Variants in AKIRIN1 observed in about 807,000 individuals in gnomAD.
AKIRIN1 encodes the protein akirin 1, also known as akirin-1.
In AKIRIN1, 4 loss-of-function variants were observed where a neutral mutation model predicts 25.9. The ratio of observed to expected loss-of-function variants is 0.15; its 90% CI spans 0.08 to 0.35. The LOEUF is 0.35. AKIRIN1 is among the 10% of genes least tolerant of loss of function. AKIRIN1 has a pLI of 1.00. For missense variants in AKIRIN1, 243 were observed against 266.1 expected (o/e 0.91, Z 0.61); for synonymous variants, 125 against 105.1 (o/e 1.19, Z -1.16).
Position 39,003,430 on chromosome 1 carries a change from C to T in AKIRIN1, c.568+12C>T. On this transcript the variant is annotated intron_variant, in intron 4 of 4. Coordinates refer to ENST00000432648, the MANE Select transcript of AKIRIN1 (RefSeq NM_024595.3). ...AAGGCCAACAAGCTGTAAGTATTGC[C>T]ACATTTTCTTTGAATTTTCTAAGTT... 6 of 1,609,488 alleles carry T rather than the reference C, an allele frequency of 3.7e-6. No homozygotes were observed. Among genetic ancestry groups the T allele is most frequent in the Non-Finnish European group, 5.1e-6 (6 of 1,178,762 alleles).
chr1:38,991,505 A>G lies in AKIRIN1; in HGVS notation c.125A>G (p.Asp42Gly). The change falls in exon 1 of 5, where the codon GAC (aspartate) becomes GGC (glycine). Residue 42 changes from aspartate (D) to glycine (G), a missense_variant. This residue lies in a region of AKIRIN1 where 190 missense variants were observed against 174.4 expected (regional missense o/e 1.09). Coordinates refer to ENST00000432648, the MANE Select transcript of AKIRIN1 (RefSeq NM_024595.3). Reference protein sequence around the residue: ...PGPTPGLRPPDAEPPPPFQTQ... With the variant: ...PGPTPGLRPPGAEPPPPFQTQ... ...CCCACTCCGGGCCTCAGGCCCCCGG[A>G]CGCCGAGCCGCCGCCGCCGTTTCAG... 1 of 1,451,178 alleles carries G rather than the reference A, an allele frequency of 6.9e-7. No homozygotes were observed. Among genetic ancestry groups the G allele is most frequent in the Non-Finnish European group, 9.0e-7 (1 of 1,106,382 alleles). 89.9% of individuals were successfully genotyped at this position (1,451,178 alleles called of 1,614,324 possible). A position where few individuals can be genotyped will look rare whatever the true frequency, so the allele number is the denominator to read the frequency against.
intron 3 of AKIRIN1, 134 bp from the exon 4 acceptor site, chr1:39,003,213 A>T: frequency 1.3e-6 from 1 of 789,528 alleles, no homozygotes; most frequent in Non-Finnish European, 2.1e-6. Flanking sequence ...ACTGGACTTT[A>T]ATACAAGGAC....
At chr1:38,992,158 G>T (rs1361778189) in intron 1 of AKIRIN1, among the ~76,000 whole-genome samples, 1 of 152,184 alleles carries the variant, frequency 6.6e-6, no homozygotes, top group Non-Finnish European at 1.5e-5. Context: ...GACTGGCCAC[G>T]TTCTTTTATT....
At chr1:38,995,606 A>G (rs1006171468) in intron 1 of AKIRIN1, among the ~76,000 whole-genome samples, 1 of 152,210 alleles carries the variant, frequency 6.6e-6, no homozygotes. Context: ...ATTTGTTAAC[A>G]TTGCCATACA....
rs1035226108 is a variant in AKIRIN1, at chr1:39,001,019, G to A, written c.409G>A (p.Val137Ile). Residue 137 changes from valine (V) to isoleucine (I), a missense_variant, in exon 3 of 5, where the codon GTT becomes ATT. Physicochemically the swap from Val to Ile is conservative, Grantham distance 29 (BLOSUM62 3). Transcript: ENST00000432648. The stretch of plus-strand genomic sequence containing the variant: ...CCAGCCCACATTTACCCTCCGACAA[G>A]TTGGCATAATATGTGAGCGCCTCTT... ...KDQPTFTLRQ[V>I]GIICERLLKD... The A allele has an allele frequency of 4.3e-6, 7 of 1,613,864 alleles. No homozygotes were observed. Among genetic ancestry groups the A allele is most frequent in the Non-Finnish European group, 5.9e-6 (7 of 1,179,908 alleles).
chr1:39,004,921 A>G lies in AKIRIN1; in HGVS notation c.*866A>G, dbSNP rs1406452721. 1 of 152,366 alleles carries G rather than the reference A, an allele frequency of 6.6e-6. No individual in the cohort carries two copies. The highest frequency in any genetic ancestry group is 2.4e-5 in the African/African-American group (1 of 41,470). 9.4% of individuals were successfully genotyped at this position (152,366 alleles called of 1,614,324 possible). The stretch of plus-strand genomic sequence containing the variant: ...GGAGCATCAGGGTTGGCTTGGGAGC[A>G]TGAGAGGTGAGCCCAGGGCTAGGCC... On this transcript the variant is annotated 3_prime_UTR_variant, in exon 5 of 5. Coordinates refer to ENST00000432648, the MANE Select transcript of AKIRIN1 (RefSeq NM_024595.3).
rs370012032 is a variant in AKIRIN1, at chr1:38,992,050, T to C, written c.220+450T>C. Among the ~76,000 whole-genome samples the C allele has an allele frequency of 3.5e-4, 54 of 152,270 alleles. No individual in the cohort carries two copies. In the East Asian group the frequency reaches 0.01, roughly 28 times the overall value. On this transcript the variant is annotated intron_variant, in intron 1 of 4. Coordinates refer to ENST00000432648, the MANE Select transcript of AKIRIN1 (RefSeq NM_024595.3). ...GGGAAGGGGCGCGAGTGCGTGCTGT[T>C]TAGCCCTGTAGGGAGACATGATTTC...
At chr1:38,998,398 G>T in intron 2 of AKIRIN1, 87 bp downstream of exon 2, 3 of 1,373,848 alleles carry the variant, frequency 2.2e-6, no homozygotes, top group Non-Finnish European at 2.9e-6. Context: ...CTCCTCTAAT[G>T]TAATAGAATT....
intron 1 of AKIRIN1, among the ~76,000 whole-genome samples, chr1:38,994,329 G>A (rs758120254): frequency 6.6e-6 from 1 of 152,188 alleles, no homozygotes; most frequent in Non-Finnish European, 1.5e-5. Flanking sequence ...GAAAGGTCCT[G>A]TAAAACTAAG....
At chr1:38,997,109 T>TAAA (rs11453570) in intron 1 of AKIRIN1, among the ~76,000 whole-genome samples, 2 of 147,172 alleles carry the variant, frequency 1.4e-5, no homozygotes, top group South Asian at 2.1e-4. Context: ...CTCCCACCAT[T>TAAA]AAAAAAAAAA....
At chr1:38,999,788 A>G (rs1643974468) in intron 2 of AKIRIN1, among the ~76,000 whole-genome samples, 2 of 152,242 alleles carry the variant, frequency 1.3e-5, no homozygotes, top group African/African-American at 4.8e-5. Context: ...TGGCCAAAGA[A>G]ACAGATTTTA....
Position 38,991,278 on chromosome 1 carries a change from TG to T in AKIRIN1, c.-101del, listed in dbSNP as rs1643902246. On this transcript the variant is annotated 5_prime_UTR_variant, in exon 1 of 5. Transcript: ENST00000432648. Reference sequence around the variant, plus strand: ...CGGGGCCAGCGCCGCTGCCGGGTGCTGGAGGCGCCATTGGAGCCGGCTTGGC... The same window carrying T: ...CGGGGCCAGCGCCGCTGCCGGGTGCTGAGGCGCCATTGGAGCCGGCTTGGC... 5.8e-6 allele frequency: 6 copies of T among 1,038,416 alleles called. No individual in the cohort carries two copies. The highest frequency in any genetic ancestry group is 6.3e-6 in the Non-Finnish European group (5 of 788,320). The allele number at this position is 1,038,416 out of a possible 1,614,324, so 64.3% of individuals were successfully genotyped here.
At chr1:39,000,254 C>G (rs986681564) in intron 2 of AKIRIN1, among the ~76,000 whole-genome samples, 1 of 151,914 alleles carries the variant, frequency 6.6e-6, no homozygotes, top group Non-Finnish European at 1.5e-5. Context: ...CAGAACCAGG[C>G]TGGTAGAAGC....
chr1:38,996,467 G>A (rs1180993820), intron 1 of AKIRIN1, among the ~76,000 whole-genome samples: 1 of 140,114 alleles, frequency 7.1e-6, no homozygotes, highest in East Asian at 2.1e-4. Context: ...GCCTTCCAAA[G>A]TGCTGGATTA....
intron 1 of AKIRIN1, among the ~76,000 whole-genome samples, chr1:38,994,711 T>C (rs1643934787): frequency 9.4e-6 from 1 of 106,360 alleles, no homozygotes. Flanking sequence ...TTTTTTGAGA[T>C]GACGTTTCGC....
intron 1 of AKIRIN1, among the ~76,000 whole-genome samples, chr1:38,992,135 A>G (rs1643910875): frequency 6.6e-6 from 1 of 152,176 alleles, no homozygotes; most frequent in Non-Finnish European, 1.5e-5. Context: ...TTTCAACCTG[A>G]TAATTTCTAA....
chr1:39,003,946 A>G, intron 4 of AKIRIN1, 99 bp from the exon 5 acceptor site: 1 of 1,026,152 alleles, frequency 9.7e-7, no homozygotes, highest in South Asian at 1.4e-5. Flanking sequence ...GTCATCGTTC[A>G]TGCTATTTCT....
At chr1:38,992,619 A>AC (rs1643914916) in intron 1 of AKIRIN1, among the ~76,000 whole-genome samples, 1 of 152,044 alleles carries the variant, frequency 6.6e-6, no homozygotes, top group Admixed American at 6.6e-5. Flanking sequence ...TCATCCTCAC[A>AC]CCAAGATTCC....
chr1:38,991,700 G>T (rs2148063190), intron 1 of AKIRIN1, 100 bp downstream of exon 1: 3 of 1,169,930 alleles, frequency 2.6e-6, no homozygotes, highest in South Asian at 3.0e-5. Flanking sequence ...GTTTACCCAG[G>T]GACCCCTTCT....
Sources: allele counts gnomAD v4.1 joint callset (sites outside exome capture counted in the v4.1 genomes callset), GRCh38; gene constraint gnomAD v4.1.1; regional missense constraint gnomAD v4.1.1; transcripts MANE v1.5; gene names NCBI Gene and HGNC (gene_info 2026-07-23, HGNC 2026-07-21).